DACH1: variants seen among roughly 807,000 people sequenced by gnomAD.
DACH1 encodes the protein dachshund family transcription factor 1, also known as dachshund homolog 1.
Under a neutral mutation model 54.2 loss-of-function variants are expected in DACH1, and 12 were observed. The ratio of observed to expected loss-of-function variants is 0.22; its 90% CI spans 0.14 to 0.36. The LOEUF is 0.36. DACH1 is among the 10% of genes least tolerant of loss of function. The probability of loss-of-function intolerance (pLI) is 1.00; values close to 1 mark genes in which losing one functional copy is unlikely to be tolerated. For synonymous variants in DACH1, 386 were observed against 366.2 expected (o/e 1.05, Z -0.62); for missense variants, 805 against 929.8 (o/e 0.87, Z 1.75).
intron 2 of DACH1, among the ~76,000 whole-genome samples, chr13:71,644,512 A>G (rs1003474196): frequency 6.6e-6 from 1 of 152,176 alleles, no homozygotes; most frequent in African/African-American, 2.4e-5. Context: ...CCTGTCACCA[A>G]CAGAGTTCAT....
At chr13:71,637,015 G>T (rs1206915173) in intron 2 of DACH1, among the ~76,000 whole-genome samples, 1 of 152,006 alleles carries the variant, frequency 6.6e-6, no homozygotes, top group Non-Finnish European at 1.5e-5. Context: ...TTCCACTAAA[G>T]TATTTTAAGA....
intron 10 of DACH1, 72 bp downstream of exon 10, chr13:71,475,069 G>T (rs553037297): frequency 3.6e-6 from 5 of 1,382,504 alleles, no homozygotes; most frequent in Middle Eastern, 1.8e-4. Flanking sequence ...CTACATGCTT[G>T]AATAGCAGGC....
intron 3 of DACH1, among the ~76,000 whole-genome samples, chr13:71,607,340 C>T (rs1202360814): frequency 6.6e-6 from 1 of 151,932 alleles, no homozygotes; most frequent in Non-Finnish European, 1.5e-5. Context: ...TTGTATAAAA[C>T]ATTCTACCTT....
chr13:71,766,675 A>C (rs1196899186), intron 1 of DACH1, among the ~76,000 whole-genome samples: 2 of 152,186 alleles, frequency 1.3e-5, no homozygotes, highest in Admixed American at 6.5e-5. Flanking sequence ...GATTGCTCTT[A>C]TAAGTACTTT....
intron 3 of DACH1, among the ~76,000 whole-genome samples, chr13:71,579,786 T>C (rs1217299079): frequency 6.6e-6 from 1 of 152,164 alleles, no homozygotes; most frequent in Non-Finnish European, 1.5e-5. Flanking sequence ...AAATACTATA[T>C]GTGCAGAAGA....
At chr13:71,489,732 TAA>T (rs1315039444) in intron 6 of DACH1, among the ~76,000 whole-genome samples, 3 of 152,118 alleles carry the variant, frequency 2.0e-5, no homozygotes, top group African/African-American at 7.2e-5. Flanking sequence ...TCATTAAAAT[TAA>T]AGACATAATT....
intron 6 of DACH1, among the ~76,000 whole-genome samples, chr13:71,544,381 TACA>T (rs1179772590): frequency 6.6e-6 from 1 of 152,158 alleles, no homozygotes; most frequent in East Asian, 1.9e-4. Flanking sequence ...GGTTTGAAAA[TACA>T]ACAATGTCCT....
At chr13:71,802,484 T>C (rs1482233125) in intron 1 of DACH1, among the ~76,000 whole-genome samples, 1 of 151,976 alleles carries the variant, frequency 6.6e-6, no homozygotes, top group East Asian at 1.9e-4. Context: ...GACAAAGAAT[T>C]AGAAAAATTT....
chr13:71,803,799 T>C (rs1474697795), intron 1 of DACH1, among the ~76,000 whole-genome samples: 1 of 152,202 alleles, frequency 6.6e-6, no homozygotes, highest in Non-Finnish European at 1.5e-5. Flanking sequence ...ATCAATGTAA[T>C]CTAGCAATGA....
At chr13:71,493,499 T>G (rs1031920017) in intron 6 of DACH1, among the ~76,000 whole-genome samples, 1 of 152,190 alleles carries the variant, frequency 6.6e-6, no homozygotes, top group Admixed American at 6.5e-5. Flanking sequence ...CATAAATGTT[T>G]GTTGGTTTAA....
intron 1 of DACH1, among the ~76,000 whole-genome samples, chr13:71,739,259 A>G (rs1884283738): frequency 6.6e-6 from 1 of 152,070 alleles, no homozygotes; most frequent in Non-Finnish European, 1.5e-5. Flanking sequence ...TCTCAATTCA[A>G]AAAAAAGAAA....
intron 1 of DACH1, among the ~76,000 whole-genome samples, chr13:71,837,531 C>T (rs938304440): frequency 7.9e-5 from 12 of 151,988 alleles, no homozygotes; most frequent in Non-Finnish European, 2.9e-5. Flanking sequence ...AGATAGTCAA[C>T]ATTGGTAAAC....
chr13:71,692,406 G>A (rs17088404), intron 1 of DACH1, among the ~76,000 whole-genome samples: 4,071 of 151,396 alleles, frequency 0.027, 184 homozygotes, highest in African/African-American at 0.092. Flanking sequence ...GATATATGAT[G>A]GTAGGCACTG....
In DACH1 at chr13:71,462,871, TACACACACACACACACAC is replaced by T. The variant is rs374818301; in HGVS notation, c.2083+12252_2083+12269del. On this transcript the variant is annotated intron_variant, in intron 10 of 10. Coordinates refer to ENST00000613252, the MANE Select transcript of DACH1 (RefSeq NM_080759.6). The stretch of plus-strand genomic sequence containing the variant: ...ATTCCAGGTCTAGAATCTATCTATC[TACACACACACACACACAC>T]ACACACACACACACACACACACACA... 2.3e-3 allele frequency among the ~76,000 whole-genome samples: 235 copies of T among 102,886 alleles called. 1 individual carries two copies. Among genetic ancestry groups the T allele is most frequent in the African/African-American group, 6.8e-3 (228 of 33,416 alleles). 67.5% of individuals were successfully genotyped at this position (102,886 alleles called of 152,430 possible).
rs57190375 is a variant in DACH1 at position 71,519,883 on chromosome 13, GTATATA to G, written c.1571-30741_1571-30736del. On this transcript the variant is annotated intron_variant, in intron 6 of 10. Coordinates refer to ENST00000613252, the MANE Select transcript of DACH1 (RefSeq NM_080759.6). ...AGATGTTTGTGTCCAAACCAAAGTA[GTATATA>G]TATATATATATATATATATCCTAAC... Among the ~76,000 whole-genome samples, 8 of 29,350 alleles carry G rather than the reference GTATATA, an allele frequency of 2.7e-4. 1 individual carries two copies. Among genetic ancestry groups the G allele is most frequent in the Non-Finnish European group, 3.9e-4 (4 of 10,176 alleles). 19.3% of individuals were successfully genotyped at this position (29,350 alleles called of 152,430 possible).
chr13:71,713,657 T>A (rs970132777), intron 1 of DACH1, among the ~76,000 whole-genome samples: 1 of 152,162 alleles, frequency 6.6e-6, no homozygotes, highest in African/African-American at 2.4e-5. Context: ...ACATAATTGA[T>A]TAAAGATACA....
chr13:71,827,372 GC>G (rs1888421231), intron 1 of DACH1, among the ~76,000 whole-genome samples: 1 of 152,040 alleles, frequency 6.6e-6, no homozygotes, highest in African/African-American at 2.4e-5. Context: ...TTACAACATG[GC>G]CTTCATTAAT....
At chr13:71,681,128 G>A (rs1019628073) in intron 2 of DACH1, among the ~76,000 whole-genome samples, 1 of 151,920 alleles carries the variant, frequency 6.6e-6, no homozygotes, top group Non-Finnish European at 1.5e-5. Flanking sequence ...ATAAAGATGG[G>A]CAAACATATG....
intron 1 of DACH1, among the ~76,000 whole-genome samples, chr13:71,714,679 G>C (rs1882888665): frequency 6.6e-6 from 1 of 152,026 alleles, no homozygotes; most frequent in African/African-American, 2.4e-5. Context: ...TTCTTGAGCT[G>C]ACTTTCCAAG....
Sources: allele counts gnomAD v4.1 joint callset (sites outside exome capture counted in the v4.1 genomes callset), GRCh38; gene constraint gnomAD v4.1.1; transcripts MANE v1.5; gene names NCBI Gene and HGNC (gene_info 2026-07-23, HGNC 2026-07-21).